Variants in LRP1B observed in about 807,000 individuals in gnomAD.
The protein encoded by LRP1B is low-density lipoprotein receptor-related protein 1B.
LRP1B carries 217 observed loss-of-function variants against 556.6 expected under a neutral mutation model. The observed-to-expected ratio is 0.39, with a 90% CI of 0.35 to 0.44. LRP1B has a LOEUF of 0.44. LRP1B is among the 20% of genes least tolerant of loss of function. The pLI, the probability that LRP1B is intolerant of heterozygous loss-of-function variation, is 1.00. For missense variants in LRP1B, 5,053 were observed against 5,620.8 expected (o/e 0.90, Z 3.23); for synonymous variants, 2,047 against 1,865.8 (o/e 1.10, Z -2.50).
chr2:140,948,940 A>C (rs1269426176), intron 20 of LRP1B, among the ~76,000 whole-genome samples: 1 of 152,264 alleles, frequency 6.6e-6, no homozygotes, highest in Non-Finnish European at 1.5e-5. Context: ...TTAAGAAGTT[A>C]CAGTTTAAAG....
At chr2:141,850,559 G>A (rs530164340) in intron 1 of LRP1B, among the ~76,000 whole-genome samples, 49 of 146,156 alleles carry the variant, frequency 3.4e-4, no homozygotes, top group African/African-American at 1.2e-3. Context: ...ATATATATAT[G>A]TGTGTGTGTG....
chr2:140,679,855 C>T (rs561775717), intron 41 of LRP1B, among the ~76,000 whole-genome samples: 71 of 152,180 alleles, frequency 4.7e-4, no homozygotes, highest in Middle Eastern at 6.8e-3. Flanking sequence ...CCCAGGATGG[C>T]TCTGAATACG....
chr2:140,294,347 T>G (rs1683517449), intron 84 of LRP1B, among the ~76,000 whole-genome samples: 1 of 152,236 alleles, frequency 6.6e-6, no homozygotes, highest in African/African-American at 2.4e-5. Context: ...TGTTAACATT[T>G]ATTCAAATCA....
rs1268878814 is a variant in LRP1B, at chr2:141,544,336, TCTTC to T, written c.206-63807_206-63804del. The stretch of plus-strand genomic sequence containing the variant: ...TTCTTCTTCTTCTTCTTCTTCTTCT[TCTTC>T]TTCTTCTTCTTCTTCTTCTTCTTCT... On this transcript the variant is annotated intron_variant, in intron 2 of 90. Transcript: ENST00000389484. 1.6e-3 allele frequency among the ~76,000 whole-genome samples: 126 copies of T among 76,978 alleles called. 7 individuals are homozygous for T. Among genetic ancestry groups the T allele is most frequent in the East Asian group, 6.5e-3 (13 of 2,008 alleles). 50.5% of individuals were successfully genotyped at this position (76,978 alleles called of 152,430 possible). A position where few individuals can be genotyped will look rare whatever the true frequency, so the allele number is the denominator to read the frequency against.
chr2:141,811,907 A>G (rs16847228), intron 1 of LRP1B, among the ~76,000 whole-genome samples: 16,688 of 152,132 alleles, frequency 0.11, 1,208 homozygotes, highest in African/African-American at 0.2. Flanking sequence ...AGACAGGCTG[A>G]GACAAATAAA....
At chr2:141,839,329 A>G (rs959442921) in intron 1 of LRP1B, among the ~76,000 whole-genome samples, 1 of 152,226 alleles carries the variant, frequency 6.6e-6, no homozygotes, top group African/African-American at 2.4e-5. Context: ...AGCCAGAATT[A>G]CAAGTTTCCC....
intron 77 of LRP1B, among the ~76,000 whole-genome samples, chr2:140,337,871 T>A (rs1176127619): frequency 6.6e-6 from 1 of 151,818 alleles, no homozygotes; most frequent in Non-Finnish European, 1.5e-5. Context: ...ATTCTGATTA[T>A]CCTTCAACTT....
intron 49 of LRP1B, among the ~76,000 whole-genome samples, chr2:140,521,274 T>C (rs1385774): frequency 0.99 from 149,963 of 152,136 alleles, 73,947 homozygotes; most frequent in Middle Eastern, 1. Context: ...AACATCAACA[T>C]AAAAGAAGTT....
At chr2:141,485,317 A>G (rs1253050032) in intron 2 of LRP1B, among the ~76,000 whole-genome samples, 2 of 152,138 alleles carry the variant, frequency 1.3e-5, no homozygotes, top group Admixed American at 6.6e-5. Flanking sequence ...TCATATCAAT[A>G]TACATTAAGA....
intron 20 of LRP1B, among the ~76,000 whole-genome samples, chr2:140,925,703 C>G (rs1459572069): frequency 6.6e-6 from 1 of 152,126 alleles, no homozygotes; most frequent in African/African-American, 2.4e-5. Flanking sequence ...GTTTGACGAA[C>G]ACACTATTGG....
At chr2:140,388,457 T>C (rs949544862) in intron 66 of LRP1B, among the ~76,000 whole-genome samples, 2 of 152,152 alleles carry the variant, frequency 1.3e-5, no homozygotes, top group Admixed American at 1.3e-4. Flanking sequence ...TTTTTCTATA[T>C]TTAAACATTT....
At chr2:141,216,257 G>C (rs1682807895) in intron 6 of LRP1B, among the ~76,000 whole-genome samples, 1 of 152,240 alleles carries the variant, frequency 6.6e-6, no homozygotes, top group African/African-American at 2.4e-5. Context: ...TGCCACTTTG[G>C]AGAATGCAAG....
At chr2:141,873,418 T>C (rs1698652588) in intron 1 of LRP1B, among the ~76,000 whole-genome samples, 1 of 151,938 alleles carries the variant, frequency 6.6e-6, no homozygotes, top group Non-Finnish European at 1.5e-5. Flanking sequence ...AAAAGCCAAA[T>C]GAGGTAAAAG....
At chr2:141,197,993 C>A (rs1681826400) in intron 6 of LRP1B, among the ~76,000 whole-genome samples, 1 of 151,900 alleles carries the variant, frequency 6.6e-6, no homozygotes, top group African/African-American at 2.4e-5. Context: ...ATTATTGCCC[C>A]ATAAGTTGTG....
chr2:140,388,604 C>T (rs17478002), intron 66 of LRP1B, among the ~76,000 whole-genome samples: 3,103 of 152,158 alleles, frequency 0.02, 37 homozygotes, highest in African/African-American at 0.028. Context: ...TAAAGTTATA[C>T]AAATTTTATG....
chr2:141,959,185 G>T (rs1032798690), intron 1 of LRP1B, among the ~76,000 whole-genome samples: 5 of 151,914 alleles, frequency 3.3e-5, no homozygotes, highest in Non-Finnish European at 5.9e-5. Context: ...CTCTTGTTTA[G>T]GATAGCAGAC....
chr2:141,867,709 A>G (rs927494769), intron 1 of LRP1B, among the ~76,000 whole-genome samples: 35 of 152,182 alleles, frequency 2.3e-4, no homozygotes, highest in African/African-American at 8.4e-4. Context: ...AATAATAGAA[A>G]GGTAAGACTT....
At chr2:140,862,433 C>T (rs560449275) in intron 27 of LRP1B, among the ~76,000 whole-genome samples, 1 of 152,288 alleles carries the variant, frequency 6.6e-6, no homozygotes, top group South Asian at 2.1e-4. Flanking sequence ...CAACAGAGAA[C>T]ACATGGCCCA....
chr2:140,350,750 G>A (rs2105115113), intron 77 of LRP1B, 47 bp downstream of exon 77: 1 of 1,559,760 alleles, frequency 6.4e-7, no homozygotes, highest in Non-Finnish European at 8.6e-7. Flanking sequence ...TAAAAAGCAG[G>A]TGGGGAAAAG....
Sources: gnomAD v4.1 joint callset for allele counts (sites outside exome capture counted in the v4.1 genomes callset) on GRCh38, gnomAD v4.1.1 for gene constraint, MANE v1.5 for transcripts, NCBI Gene and HGNC (gene_info 2026-07-23, HGNC 2026-07-21) for gene names.